XKR9: variants seen among roughly 807,000 people sequenced by gnomAD.
XKR9 encodes the protein XK related 9, also known as XK-related protein 9.
In XKR9, 32 loss-of-function variants were observed where a neutral mutation model predicts 32.0. That is an observed-to-expected ratio of 1.00 (90% CI 0.76 to 1.34). The LOEUF (loss-of-function observed/expected upper bound fraction) is 1.34. Ranked by LOEUF, XKR9 falls within the 40% of genes most tolerant of loss-of-function variation. The probability of loss-of-function intolerance (pLI) is 0.00; values close to 1 mark genes in which losing one functional copy is unlikely to be tolerated. For synonymous variants in XKR9, 168 were observed against 143.4 expected (o/e 1.17, Z -1.22); for missense variants, 546 against 429.7 (o/e 1.27, Z -2.39).
At chr8:70,916,630 G>T in the XKR9 span, among the ~76,000 whole-genome samples, 1 of 152,022 alleles carries the variant, frequency 6.6e-6, no homozygotes, top group African/African-American at 2.4e-5. Flanking sequence ...TCTTATTCTT[G>T]ATCCTTGGCA....
chr8:71,029,248 C>A, the XKR9 span, among the ~76,000 whole-genome samples: 6 of 152,112 alleles, frequency 3.9e-5, no homozygotes, highest in Non-Finnish European at 8.8e-5. Context: ...TCTTCAAGAG[C>A]CAGATAAAAG....
chr8:70,911,624 G>A, the XKR9 span, among the ~76,000 whole-genome samples: 1 of 152,142 alleles, frequency 6.6e-6, no homozygotes, highest in East Asian at 1.9e-4. Context: ...ATAAGACATT[G>A]TTCTGATGGA....
chr8:70,931,396 A>T, the XKR9 span, among the ~76,000 whole-genome samples: 1 of 152,156 alleles, frequency 6.6e-6, no homozygotes, highest in African/African-American at 2.4e-5. Flanking sequence ...GTGTGGTAGG[A>T]TCGTGACTAA....
the XKR9 span, among the ~76,000 whole-genome samples, chr8:71,056,563 T>C: frequency 6.6e-6 from 1 of 152,212 alleles, no homozygotes; most frequent in African/African-American, 2.4e-5. Context: ...CTGTGTGAAC[T>C]TGAGGCATAT....
At chr8:70,888,646 G>T in the XKR9 span, among the ~76,000 whole-genome samples, 112 of 151,944 alleles carry the variant, frequency 7.4e-4, 1 homozygote, top group African/African-American at 2.6e-3. Context: ...GAGAGATAGG[G>T]GTCTACTTTA....
chr8:70,729,571 G>C (rs1806591931), intron 4 of XKR9, among the ~76,000 whole-genome samples: 1 of 151,918 alleles, frequency 6.6e-6, no homozygotes, highest in African/African-American at 2.4e-5. Flanking sequence ...AGCTGATTAG[G>C]AAACCACCAT....
chr8:70,696,439 A>T (rs1230096972), intron 3 of XKR9, among the ~76,000 whole-genome samples: 1 of 151,566 alleles, frequency 6.6e-6, no homozygotes, highest in African/African-American at 2.4e-5. Context: ...TTAAATAGGG[A>T]ATCCTTTCCC....
the XKR9 span, among the ~76,000 whole-genome samples, chr8:70,875,615 T>G: frequency 5.9e-5 from 9 of 152,286 alleles, no homozygotes; most frequent in East Asian, 1.5e-3. Flanking sequence ...AAGGGAGGCA[T>G]AAGGGAATTG....
the XKR9 span, among the ~76,000 whole-genome samples, chr8:70,895,287 G>C: frequency 1.3e-5 from 2 of 152,006 alleles, no homozygotes; most frequent in Non-Finnish European, 2.9e-5. Context: ...TGCTTACCAG[G>C]GTTTTTGTTA....
chr8:71,009,624 T>G, the XKR9 span, among the ~76,000 whole-genome samples: 1 of 152,170 alleles, frequency 6.6e-6, no homozygotes, highest in Non-Finnish European at 1.5e-5. Context: ...AAATAGTACT[T>G]GAATTTGAAC....
At chr8:70,983,505 G>C in the XKR9 span, among the ~76,000 whole-genome samples, 4 of 152,204 alleles carry the variant, frequency 2.6e-5, no homozygotes, top group Non-Finnish European at 5.9e-5. Flanking sequence ...ATCAGGCCGG[G>C]CACAGTGGCT....
intron 4 of XKR9, among the ~76,000 whole-genome samples, chr8:70,723,809 G>A (rs1268448512): frequency 6.6e-6 from 1 of 152,094 alleles, no homozygotes; most frequent in African/African-American, 2.4e-5. Flanking sequence ...CCCACTTGAG[G>A]AGGCAGTCTG....
the XKR9 span, among the ~76,000 whole-genome samples, chr8:70,966,425 T>C: frequency 1.3e-3 from 193 of 152,230 alleles, 1 homozygote; most frequent in African/African-American, 4.4e-3. Flanking sequence ...TTTTTTTCTT[T>C]TGTATTTTTA....
At chr8:70,970,718 A>G in the XKR9 span, among the ~76,000 whole-genome samples, 1 of 152,138 alleles carries the variant, frequency 6.6e-6, no homozygotes, top group African/African-American at 2.4e-5. Context: ...TCTGTTATTG[A>G]TGGACATTTT....
chr8:70,771,533 A>G (rs2130233105), intron 2 of XKR9, among the ~76,000 whole-genome samples: 1 of 152,338 alleles, frequency 6.6e-6, no homozygotes, highest in East Asian at 1.9e-4. Context: ...ATACCTTAGT[A>G]TGTCTGTAAG....
At chr8:70,852,608 T>C in the XKR9 span, among the ~76,000 whole-genome samples, 1 of 152,118 alleles carries the variant, frequency 6.6e-6, no homozygotes, top group Admixed American at 6.6e-5. Context: ...TAAATGCCCA[T>C]CAATGATAGA....
the XKR9 span, among the ~76,000 whole-genome samples, chr8:71,049,150 A>G: frequency 3.9e-5 from 6 of 152,202 alleles, no homozygotes; most frequent in Non-Finnish European, 8.8e-5. Flanking sequence ...TGGCAATTCA[A>G]GCCAAAGATC....
chr8:70,683,935 T>C (rs1819172013), intron 3 of XKR9, among the ~76,000 whole-genome samples: 1 of 152,266 alleles, frequency 6.6e-6, no homozygotes, highest in Admixed American at 6.5e-5. Context: ...TTAGTGGCTA[T>C]AGAATTCTAG....
At chr8:71,036,035 G>C in the XKR9 span, among the ~76,000 whole-genome samples, 1 of 152,108 alleles carries the variant, frequency 6.6e-6, no homozygotes, top group African/African-American at 2.4e-5. Flanking sequence ...TTACATGACT[G>C]TCCACTATTC....
Sources: gnomAD v4.1 joint callset for allele counts (sites outside exome capture counted in the v4.1 genomes callset) on GRCh38, gnomAD v4.1.1 for gene constraint, MANE v1.5 for transcripts, NCBI Gene and HGNC (gene_info 2026-07-23, HGNC 2026-07-21) for gene names.